The following KCNMA1 variants were observed in gnomAD, a reference collection of about 807,000 sequenced individuals.
The protein encoded by KCNMA1 is Calcium-activated potassium channel subunit alpha-1.
Under a neutral mutation model 140.0 loss-of-function variants are expected in KCNMA1, and 29 were observed. The ratio of observed to expected loss-of-function variants is 0.21; its 90% CI spans 0.15 to 0.28. The LOEUF is 0.28. Ranked by LOEUF, KCNMA1 falls within the 10% of genes least tolerant of loss-of-function variation. KCNMA1 has a pLI of 1.00. For missense variants in KCNMA1, 880 were observed against 1,602.2 expected (o/e 0.55, Z 7.70); for synonymous variants, 612 against 611.9 (o/e 1.00, Z 0.00).
chr10:76,872,220 T>A (rs1434543560), downstream of KCNMA1: 1 of 152,240 alleles, frequency 6.6e-6, no homozygotes, highest in Non-Finnish European at 1.5e-5. Context: ...ATTCTAGTAA[T>A]TCAGGAGAGT....
downstream of KCNMA1, among the ~76,000 whole-genome samples, chr10:76,879,984 C>T (rs2033953403): frequency 6.6e-6 from 1 of 152,030 alleles, no homozygotes; most frequent in Non-Finnish European, 1.5e-5. Context: ...GCCTGAGCTG[C>T]CCTCGGTTTT....
chr10:77,187,859 G>A (rs987559084), intron 3 of KCNMA1, among the ~76,000 whole-genome samples: 16 of 152,048 alleles, frequency 1.1e-4, no homozygotes, highest in Admixed American at 2.0e-4. Flanking sequence ...TGTAGTTTAC[G>A]GACTCGCACA....
intron 1 of KCNMA1, among the ~76,000 whole-genome samples, chr10:77,581,046 T>C (rs938730710): frequency 1.3e-5 from 2 of 152,194 alleles, no homozygotes; most frequent in African/African-American, 4.8e-5. Context: ...AATGCTCTGC[T>C]ATCACCATCA....
intron 5 of KCNMA1, among the ~76,000 whole-genome samples, chr10:77,148,039 G>T (rs1363409317): frequency 6.6e-5 from 10 of 151,952 alleles, no homozygotes; most frequent in Non-Finnish European, 1.2e-4. Context: ...CTCCTTTTGG[G>T]ACTGACCCTG....
intron 1 of KCNMA1, among the ~76,000 whole-genome samples, chr10:77,581,727 C>T (rs1010605289): frequency 2.0e-5 from 3 of 152,232 alleles, no homozygotes; most frequent in East Asian, 1.9e-4. Context: ...TTTCCTCTCT[C>T]GGCCACTTCT....
chr10:76,888,463 A>C (rs1335059828), intron 27 of KCNMA1, among the ~76,000 whole-genome samples: 1 of 152,104 alleles, frequency 6.6e-6, no homozygotes, highest in Non-Finnish European at 1.5e-5. Flanking sequence ...ATTTTTTAAA[A>C]GCTCCCCAGG....
chr10:77,325,496 G>A (rs2083833501), intron 2 of KCNMA1, among the ~76,000 whole-genome samples: 1 of 152,166 alleles, frequency 6.6e-6, no homozygotes, highest in African/African-American at 2.4e-5. Context: ...CCAGGGGATG[G>A]CACTAACACA....
In KCNMA1 at chr10:77,079,510, T is replaced by C. The variant is rs750412610; in HGVS notation, c.1564A>G (p.Ile522Val). The C allele has an allele frequency of 6.2e-7, 1 of 1,613,084 alleles. No homozygotes were observed. The highest frequency in any genetic ancestry group is 1.7e-5 in the Admixed American group (1 of 60,012). Residue 522 changes from isoleucine (I) to valine (V), a missense_variant, in exon 13 of 28, where the codon ATC becomes GTC. By Grantham distance (29) the Ile-to-Val change is conservative (BLOSUM62 3). Coordinates refer to ENST00000286628, the MANE Select transcript of KCNMA1 (RefSeq NM_001161352.2). ...IKNYHPKIRI[I>V]TQMLQYHNKA... ...TTGTGATACTGCAGCATTTGAGTGA[T>C]GATTCTTATCTTCGGATGGTAGTTC...
chr10:77,625,324 T>C (rs1039486541), intron 1 of KCNMA1, among the ~76,000 whole-genome samples: 1 of 151,832 alleles, frequency 6.6e-6, no homozygotes, highest in Non-Finnish European at 1.5e-5. Context: ...GAGCTTGCAG[T>C]GAGCCGAGAT....
intron 5 of KCNMA1, among the ~76,000 whole-genome samples, chr10:77,122,988 C>T (rs2097650324): frequency 6.7e-6 from 1 of 149,738 alleles, no homozygotes. Context: ...ACCATCCTGG[C>T]TAACACAGTG....
chr10:77,357,200 G>A (rs1393702936), intron 2 of KCNMA1, among the ~76,000 whole-genome samples: 2 of 152,318 alleles, frequency 1.3e-5, no homozygotes, highest in Non-Finnish European at 1.5e-5. Context: ...AGTTACCCAA[G>A]CCATCAAATT....
rs75074229 is a variant in KCNMA1 at position 77,116,727 on chromosome 10, A to C, written c.884+4246T>G. ...TTCTTCTTTCTCTGCCCCAATTTGC[A>C]CTGCCTAAGGCCATGCCCTAATACC... On this transcript the variant is annotated intron_variant, in intron 6 of 27. Coordinates refer to ENST00000286628, the MANE Select transcript of KCNMA1 (RefSeq NM_001161352.2). Among the ~76,000 whole-genome samples, 725 of 152,226 alleles carry C rather than the reference A, an allele frequency of 4.8e-3. 9 individuals are homozygous for C. The highest frequency in any genetic ancestry group is 0.017 in the African/African-American group (709 of 41,536).
At position 76,885,003 on chromosome 10, in the gene KCNMA1, T is replaced by C; in HGVS notation, c.*2263A>G. 6.5e-7 allele frequency: 1 copy of C among 1,548,826 alleles called. No homozygotes were observed. Among genetic ancestry groups the C allele is most frequent in the Non-Finnish European group, 8.7e-7 (1 of 1,146,064 alleles). Reference sequence around the variant, plus strand: ...AATTGTCATACCTTGGCCCATTCTATTCATCCTTGTTGCACTTTAGAGAGA... The same window carrying C: ...AATTGTCATACCTTGGCCCATTCTACTCATCCTTGTTGCACTTTAGAGAGA... On this transcript the variant is annotated 3_prime_UTR_variant, in exon 28 of 28. Coordinates refer to ENST00000286628, the MANE Select transcript of KCNMA1 (RefSeq NM_001161352.2).
intron 9 of KCNMA1, among the ~76,000 whole-genome samples, chr10:77,101,589 A>T (rs2097099180): frequency 6.6e-6 from 1 of 152,156 alleles, no homozygotes; most frequent in Non-Finnish European, 1.5e-5. Context: ...ATCCAAAGAC[A>T]TTGCTGAGGG....
At chr10:77,003,348 T>G (rs2087155614) in intron 18 of KCNMA1, among the ~76,000 whole-genome samples, 1 of 152,188 alleles carries the variant, frequency 6.6e-6, no homozygotes, top group Non-Finnish European at 1.5e-5. Context: ...CTATAGCATT[T>G]GAATCAGAGG....
Position 77,473,360 on chromosome 10 carries a change from G to A in KCNMA1, c.379-69337C>T, listed in dbSNP as rs144130975. Among the ~76,000 whole-genome samples, 449 of 152,328 alleles carry A rather than the reference G, an allele frequency of 2.9e-3. 1 individual carries two copies. The highest frequency in any genetic ancestry group is 0.01 in the African/African-American group (429 of 41,578). The stretch of plus-strand genomic sequence containing the variant: ...GAAGGCTCTTGCAATTATCTCCTGA[G>A]GGGGGCTGATGAACTGGGGGCCCCA... On this transcript the variant is annotated intron_variant, in intron 1 of 27. Transcript: ENST00000286628.
chr10:77,214,435 T>C (rs2154178968), intron 3 of KCNMA1, among the ~76,000 whole-genome samples: 1 of 152,216 alleles, frequency 6.6e-6, no homozygotes, highest in Non-Finnish European at 1.5e-5. Flanking sequence ...TCTTCATTCA[T>C]AACACACCAT....
At chr10:77,352,553 C>T (rs1410095848) in intron 2 of KCNMA1, among the ~76,000 whole-genome samples, 1 of 152,096 alleles carries the variant, frequency 6.6e-6, no homozygotes, top group Non-Finnish European at 1.5e-5. Flanking sequence ...CTTAAACAAC[C>T]ACTCGTGTCT....
intron 1 of KCNMA1, among the ~76,000 whole-genome samples, chr10:77,414,756 C>T (rs1474082726): frequency 1.3e-5 from 2 of 152,156 alleles, no homozygotes; most frequent in Non-Finnish European, 1.5e-5. Context: ...TCCCAAAGTG[C>T]TGGGATTACA....
Sources: gnomAD v4.1 joint callset for allele counts (sites outside exome capture counted in the v4.1 genomes callset) on GRCh38, gnomAD v4.1.1 for gene constraint, MANE v1.5 for transcripts, NCBI Gene and HGNC (gene_info 2026-07-23, HGNC 2026-07-21) for gene names.